The following LARS2 variants were observed in gnomAD, a reference collection of about 807,000 sequenced individuals.
LARS2 encodes leucine--tRNA ligase, mitochondrial.
A neutral mutation model predicts 116.6 loss-of-function variants in LARS2; 81 were observed. That is an observed-to-expected ratio of 0.69 (90% CI 0.58 to 0.84). The LOEUF (loss-of-function observed/expected upper bound fraction) is 0.84. Ranked by LOEUF, LARS2 falls within the 40% of genes least tolerant of loss-of-function variation. The pLI is 0.00. For synonymous variants in LARS2, 396 were observed against 407.2 expected, an observed-to-expected ratio of 0.97 and a Z score of 0.33; for missense variants, 968 against 1,114.5, an observed-to-expected ratio of 0.87 and a Z score of 1.87.
At chr3:45,527,306 A>G (rs1700544432) in intron 20 of LARS2, among the ~76,000 whole-genome samples, 1 of 152,140 alleles carries the variant, frequency 6.6e-6, no homozygotes, top group East Asian at 1.9e-4. Context: ...GTAAGTGGGG[A>G]CAGTTTTGTG....
intron 11 of LARS2, among the ~76,000 whole-genome samples, chr3:45,486,415 T>C (rs1699815077): frequency 6.6e-6 from 1 of 152,188 alleles, no homozygotes; most frequent in African/African-American, 2.4e-5. Flanking sequence ...AGTCTGAGAA[T>C]GAACAAAGAG....
At position 45,491,598 on chromosome 3, in the gene LARS2, A is replaced by T; in HGVS notation, c.1321A>T (p.Ser441Cys). The T allele has an allele frequency of 6.2e-7, 1 of 1,614,190 alleles. No homozygotes were observed. The highest frequency in any genetic ancestry group is 1.1e-5 in the South Asian group (1 of 91,086). The change falls in exon 13 of 22, where the codon AGT (serine) becomes TGT (cysteine). Residue 441 changes from serine to cysteine, a missense_variant. Coordinates refer to ENST00000645846, the MANE Select transcript of LARS2 (RefSeq NM_015340.4). Reference sequence around the variant, plus strand: ...GAAGAGAGTGGGTGGAGACGTGACAAGTGATAAACTGAAAGACTGGCTGAT... The same window carrying T: ...GAAGAGAGTGGGTGGAGACGTGACATGTGATAAACTGAAAGACTGGCTGAT... The part of the protein sequence containing the change: ...RGKRVGGDVT[S>C]DKLKDWLISR...
At chr3:45,535,442 G>A (rs1417661831) in intron 20 of LARS2, among the ~76,000 whole-genome samples, 4 of 151,970 alleles carry the variant, frequency 2.6e-5, no homozygotes, top group Non-Finnish European at 4.4e-5. Flanking sequence ...TGTTGGAGAC[G>A]TAATTTCACC....
chr3:45,471,556 C>G (rs947297651), intron 8 of LARS2, among the ~76,000 whole-genome samples: 1 of 152,304 alleles, frequency 6.6e-6, no homozygotes, highest in Middle Eastern at 3.4e-3. Flanking sequence ...GGTGAATACA[C>G]TAGTGGCTCG....
chr3:45,530,790 GAC>G (rs1700603701), intron 20 of LARS2, among the ~76,000 whole-genome samples: 2 of 152,236 alleles, frequency 1.3e-5, no homozygotes, highest in South Asian at 4.1e-4. Flanking sequence ...CATTTTTACA[GAC>G]AGTTTTAACA....
intron 8 of LARS2, among the ~76,000 whole-genome samples, chr3:45,460,030 C>T (rs1699288158): frequency 6.6e-6 from 1 of 152,206 alleles, no homozygotes; most frequent in Non-Finnish European, 1.5e-5. Context: ...CTCAATATCC[C>T]ATGGTCACTA....
intron 6 of LARS2, among the ~76,000 whole-genome samples, chr3:45,439,911 G>A (rs1698877324): frequency 6.6e-6 from 1 of 152,146 alleles, no homozygotes; most frequent in Non-Finnish European, 1.5e-5. Context: ...AGATATATTC[G>A]GGAGGAACTT....
intron 4 of LARS2, among the ~76,000 whole-genome samples, chr3:45,416,850 G>A (rs181518254): frequency 2.4e-4 from 36 of 152,160 alleles, no homozygotes; most frequent in African/African-American, 7.2e-4. Context: ...CGATGCGGGC[G>A]GATCACGAGG....
intron 16 of LARS2, 60 bp downstream of exon 16, chr3:45,513,295 G>A: frequency 9.2e-7 from 1 of 1,089,134 alleles, no homozygotes; most frequent in Non-Finnish European, 1.4e-6. Flanking sequence ...CCAGGCCTGA[G>A]AGCTACTGAG....
At chr3:45,540,438 C>G (rs1305255388) in intron 20 of LARS2, among the ~76,000 whole-genome samples, 1 of 152,198 alleles carries the variant, frequency 6.6e-6, no homozygotes, top group Non-Finnish European at 1.5e-5. Flanking sequence ...TTGACTCCCT[C>G]TGTCACAAAC....
At chr3:45,449,174 T>C (rs1478047650) in intron 7 of LARS2, among the ~76,000 whole-genome samples, 1 of 149,192 alleles carries the variant, frequency 6.7e-6, no homozygotes, top group Non-Finnish European at 1.5e-5. Context: ...TTTTTTTTTT[T>C]TTTTTGAGAC....
chr3:45,425,431 A>T (rs1009121079), intron 6 of LARS2, among the ~76,000 whole-genome samples: 2 of 152,220 alleles, frequency 1.3e-5, no homozygotes, highest in Non-Finnish European at 1.5e-5. Context: ...CATGTGGGCT[A>T]AGAGAGATTT....
Position 45,515,747 on chromosome 3 carries a change from G to A in LARS2, c.1862-347G>A, listed in dbSNP as rs116699047. Among the ~76,000 whole-genome samples the A allele has an allele frequency of 1.3e-3, 205 of 152,302 alleles. 1 individual carries two copies. The highest frequency in any genetic ancestry group is 3.4e-3 in the Middle Eastern group (1 of 294). On this transcript the variant is annotated intron_variant, in intron 16 of 21. Coordinates refer to ENST00000645846, the MANE Select transcript of LARS2 (RefSeq NM_015340.4). ...CTTAATTCATCAAGAAAATGGCAAC[G>A]TGTGCGAGTTTTTCAAAATTCTTTT... is the stretch of plus-strand genomic sequence containing the variant.
At chr3:45,484,630 A>AAAAAAATATATATATATATAT (rs1553634443) in intron 10 of LARS2, among the ~76,000 whole-genome samples, 2 of 9,746 alleles carry the variant, frequency 2.1e-4, no homozygotes, top group Non-Finnish European at 6.3e-4. Context: ...AAAAAAAAAA[A>AAAAAAATATATATATATATAT]ATATATATAT....
At chr3:45,444,317 T>C (rs550795598) in intron 6 of LARS2, among the ~76,000 whole-genome samples, 1 of 147,734 alleles carries the variant, frequency 6.8e-6, no homozygotes, top group East Asian at 2.1e-4. Context: ...CCAGCCCTTT[T>C]TTCACTTTAG....
chr3:45,532,832 A>C (rs1391245287), intron 20 of LARS2, among the ~76,000 whole-genome samples: 2 of 151,758 alleles, frequency 1.3e-5, no homozygotes, highest in Admixed American at 6.6e-5. Flanking sequence ...AGTAGAGACG[A>C]GGTTTTGCCA....
Position 45,430,029 on chromosome 3 carries a change from T to TTTTTTTTTTTTTTTTG in LARS2, c.516+10300_516+10301insTTTTTTTTTTTTTTTG, listed in dbSNP as rs1553629354. The stretch of plus-strand genomic sequence containing the variant: ...TTTTTTTTTTTTTTTTTTTTTTTTT[T>TTTTTTTTTTTTTTTTG]GAGACAGAGTCTTGCTCTGTCGCCC... On this transcript the variant is annotated intron_variant, in intron 6 of 21. Transcript: ENST00000645846. Among the ~76,000 whole-genome samples the TTTTTTTTTTTTTTTTG allele has an allele frequency of 3.2e-4, 44 of 138,850 alleles. 2 individuals carry two copies. The highest frequency in any genetic ancestry group is 1.1e-3 in the African/African-American group (40 of 35,254). 91.1% of individuals were successfully genotyped at this position (138,850 alleles called of 152,430 possible). A position where few individuals can be genotyped will look rare whatever the true frequency, so the allele number is the denominator to read the frequency against.
At chr3:45,471,251 A>C (rs776569125) in intron 8 of LARS2, among the ~76,000 whole-genome samples, 2 of 152,202 alleles carry the variant, frequency 1.3e-5, no homozygotes, top group Admixed American at 6.5e-5. Flanking sequence ...ATCAGAAAAC[A>C]GTCATGAATC....
chr3:45,528,851 A>G (rs1192977824), intron 20 of LARS2, among the ~76,000 whole-genome samples: 1 of 144,110 alleles, frequency 6.9e-6, no homozygotes, highest in Non-Finnish European at 1.5e-5. Flanking sequence ...TTTATGGGCC[A>G]TTAAATACTT....
Sources: gnomAD v4.1 joint callset for allele counts (sites outside exome capture counted in the v4.1 genomes callset) on GRCh38, gnomAD v4.1.1 for gene constraint, MANE v1.5 for transcripts, NCBI Gene and HGNC (gene_info 2026-07-23, HGNC 2026-07-21) for gene names.